Variants in STK33 observed in about 807,000 individuals in gnomAD.
The protein encoded by STK33 is serine/threonine-protein kinase 33.
Under a neutral mutation model 58.0 loss-of-function variants are expected in STK33, and 52 were observed. The observed-to-expected ratio is 0.90, with a 90% CI of 0.72 to 1.13. STK33 has a LOEUF of 1.13. Among genes scored for constraint, STK33 ranks in the 50% most tolerant of loss-of-function variants. The pLI, the probability that STK33 is intolerant of heterozygous loss-of-function variation, is 0.00. For synonymous variants in STK33, 215 were observed against 200.1 expected (o/e 1.07, Z -0.63); for missense variants, 630 against 604.2 (o/e 1.04, Z -0.45).
At chr11:8,557,286 G>GGAGGGGAGGGGAGGGAA (rs1554999846) in intron 1 of STK33, among the ~76,000 whole-genome samples, 1 of 34,286 alleles carries the variant, frequency 2.9e-5, no homozygotes, top group Non-Finnish European at 5.8e-5. Flanking sequence ...GGAGGGGAGG[G>GGAGGGGAGGGGAGGGAA]GAGGAGAGAA....
At chr11:8,541,732 C>T (rs1411062816) in intron 1 of STK33, among the ~76,000 whole-genome samples, 3 of 152,098 alleles carry the variant, frequency 2.0e-5, no homozygotes, top group African/African-American at 4.8e-5. Flanking sequence ...CTTCAAAAGA[C>T]TTAAATTGTA....
the STK33 span, among the ~76,000 whole-genome samples, chr11:8,370,806 C>A: frequency 1.3e-5 from 2 of 152,288 alleles, no homozygotes; most frequent in South Asian, 4.2e-4. Flanking sequence ...AGGAGGACTG[C>A]GCCCAGCACG....
intron 15 of STK33, among the ~76,000 whole-genome samples, chr11:8,399,764 C>T (rs1432758907): frequency 6.6e-6 from 1 of 151,998 alleles, no homozygotes; most frequent in Admixed American, 6.6e-5. Flanking sequence ...CAAATAGATG[C>T]AACAAAAAAT....
At chr11:8,374,294 C>T in the STK33 span, among the ~76,000 whole-genome samples, 2 of 152,180 alleles carry the variant, frequency 1.3e-5, no homozygotes, top group Non-Finnish European at 2.9e-5. Context: ...CCCCCTTGTA[C>T]TCTGTGAGCT....
chr11:8,433,599 T>C (rs145227882), intron 14 of STK33, among the ~76,000 whole-genome samples: 49 of 152,300 alleles, frequency 3.2e-4, no homozygotes, highest in African/African-American at 1.1e-3. Flanking sequence ...CTATCTAATA[T>C]AGAACCTTTG....
chr11:8,422,814 A>T (rs1564915582), intron 14 of STK33, among the ~76,000 whole-genome samples: 1 of 151,234 alleles, frequency 6.6e-6, no homozygotes. Context: ...CATATGTAAG[A>T]TTTTTTTTCT....
chr11:8,504,276 A>C (rs1026197074), intron 1 of STK33, among the ~76,000 whole-genome samples: 4 of 152,170 alleles, frequency 2.6e-5, no homozygotes, highest in African/African-American at 7.2e-5. Flanking sequence ...GAACCAATAC[A>C]TCATTATTTA....
chr11:8,439,215 T>C (rs1397936616), intron 12 of STK33, among the ~76,000 whole-genome samples: 4 of 152,170 alleles, frequency 2.6e-5, no homozygotes, highest in African/African-American at 4.8e-5. Context: ...GAGCACTGAA[T>C]GTATGTCTAT....
At chr11:8,400,228 C>G (rs967815497) in intron 15 of STK33, among the ~76,000 whole-genome samples, 1 of 152,182 alleles carries the variant, frequency 6.6e-6, no homozygotes, top group Non-Finnish European at 1.5e-5. Context: ...CAATAAAATA[C>G]TGGCAAACAG....
intron 11 of STK33, among the ~76,000 whole-genome samples, chr11:8,441,846 T>A (rs893200518): frequency 6.6e-6 from 1 of 152,144 alleles, no homozygotes; most frequent in African/African-American, 2.4e-5. Flanking sequence ...TTGTATGAAG[T>A]ATGTTAAGAA....
At chr11:8,587,329 C>T (rs991923951) in intron 1 of STK33, among the ~76,000 whole-genome samples, 2 of 152,062 alleles carry the variant, frequency 1.3e-5, no homozygotes, top group Non-Finnish European at 2.9e-5. Flanking sequence ...ATGATATTTG[C>T]TTTTCAGAAT....
intron 1 of STK33, among the ~76,000 whole-genome samples, chr11:8,492,125 C>A (rs1489470873): frequency 6.6e-6 from 1 of 152,084 alleles, no homozygotes; most frequent in Non-Finnish European, 1.5e-5. Flanking sequence ...GGGCTAAATG[C>A]CCCAATTAAA....
chr11:8,350,052 C>T, the STK33 span, among the ~76,000 whole-genome samples: 1 of 152,252 alleles, frequency 6.6e-6, no homozygotes, highest in Admixed American at 6.5e-5. Context: ...TATGCCTCAT[C>T]TCACTTAATC....
intron 1 of STK33, among the ~76,000 whole-genome samples, chr11:8,494,411 A>G (rs1284389299): frequency 3.9e-5 from 6 of 152,210 alleles, no homozygotes; most frequent in Non-Finnish European, 8.8e-5. Flanking sequence ...CTCTTCAAGG[A>G]GAACTACAAA....
At chr11:8,392,781 T>C in intron 15 of STK33, 71 bp from the exon 16 acceptor site, 1 of 1,514,984 alleles carries the variant, frequency 6.6e-7, no homozygotes, top group Non-Finnish European at 9.0e-7. Context: ...TGCAAGGAAC[T>C]ACAAAGTTGT....
At chr11:8,505,850 C>T (rs1487654772) in intron 1 of STK33, among the ~76,000 whole-genome samples, 1 of 152,214 alleles carries the variant, frequency 6.6e-6, no homozygotes, top group Non-Finnish European at 1.5e-5. Context: ...CAACACTCAA[C>T]TCCCAACTCT....
chr11:8,553,992 T>C (rs140774474), intron 1 of STK33, among the ~76,000 whole-genome samples: 139 of 152,126 alleles, frequency 9.1e-4, no homozygotes, highest in African/African-American at 3.3e-3. Context: ...GGAAACAGAT[T>C]AACAAAGTGA....
At chr11:8,368,070 T>C in the STK33 span, among the ~76,000 whole-genome samples, 2 of 152,008 alleles carry the variant, frequency 1.3e-5, no homozygotes, top group Non-Finnish European at 2.9e-5. Context: ...CATCCTCTAA[T>C]CCTACTCCTG....
At chr11:8,456,934 G>GA (rs1399444458) in intron 9 of STK33, among the ~76,000 whole-genome samples, 1 of 152,086 alleles carries the variant, frequency 6.6e-6, no homozygotes, top group East Asian at 1.9e-4. Context: ...GGAGTATATA[G>GA]AAAATCTCTC....
Sources: gnomAD v4.1 joint callset for allele counts (sites outside exome capture counted in the v4.1 genomes callset) on GRCh38, gnomAD v4.1.1 for gene constraint, MANE v1.5 for transcripts, NCBI Gene and HGNC (gene_info 2026-07-23, HGNC 2026-07-21) for gene names.